Variants in GNG2 observed in about 807,000 individuals in gnomAD.
GNG2 encodes the protein G protein subunit gamma 2.
Under a neutral mutation model 5.5 loss-of-function variants are expected in GNG2, and 5 were observed. The observed-to-expected ratio is 0.91, with a 90% CI of 0.48 to 1.92. GNG2 has a LOEUF of 1.92. Ranked by LOEUF, GNG2 falls within the 30% of genes most tolerant of loss-of-function variation. GNG2 has a pLI of 0.01. For synonymous variants in GNG2, 28 were observed against 32.0 expected (o/e 0.88, Z 0.42); for missense variants, 55 against 88.4 (o/e 0.62, Z 1.52).
chr14:51,829,574 A>C (rs1034480111), intron 2 of GNG2, among the ~76,000 whole-genome samples: 2 of 152,012 alleles, frequency 1.3e-5, no homozygotes, highest in African/African-American at 4.8e-5. Context: ...TATAAATAAA[A>C]ACCCTATCTT....
chr14:51,860,540 A>G (rs1470777780), upstream of GNG2: 4 of 152,664 alleles, frequency 2.6e-5, no homozygotes, highest in South Asian at 2.1e-4. Flanking sequence ...GCTACCAAGA[A>G]GAGGAGGAAG....
Position 51,860,730 on chromosome 14 carries a change from G to GCA in GNG2, c.-128_-127dup, listed in dbSNP as rs946422130. The GCA allele has an allele frequency of 3.3e-5, 5 of 152,450 alleles. No homozygotes were observed. The highest frequency in any genetic ancestry group is 1.2e-4 in the African/African-American group (5 of 41,464). 9.4% of individuals were successfully genotyped at this position (152,450 alleles called of 1,614,324 possible). On this transcript the variant is annotated 5_prime_UTR_variant, in exon 1 of 4. Transcript: ENST00000556766. ...GGCTGGGCTGCGCCGGAGCTCGCCTGCACAGATCAGCTCCGGAGAGGGGAA... is the reference window on the plus strand; with the variant it reads ...GGCTGGGCTGCGCCGGAGCTCGCCTGCACACAGATCAGCTCCGGAGAGGGGAA...
intron 2 of GNG2, among the ~76,000 whole-genome samples, chr14:51,910,421 A>T (rs1886224103): frequency 6.6e-6 from 1 of 152,196 alleles, no homozygotes. Context: ...AAGGACCGAT[A>T]CATTTTCCTG....
At chr14:51,886,005 C>G (rs1884436282) in intron 2 of GNG2, among the ~76,000 whole-genome samples, 2 of 152,186 alleles carry the variant, frequency 1.3e-5, no homozygotes, top group African/African-American at 2.4e-5. Context: ...TGAGGAAAAA[C>G]AGATGGTACC....
At chr14:51,913,034 A>G (rs896534390) in intron 2 of GNG2, 7 of 152,328 alleles carry the variant, frequency 4.6e-5, no homozygotes, top group Non-Finnish European at 8.8e-5. Context: ...GTGTTCAGGA[A>G]TGAAGTCTCG....
At chr14:51,886,194 A>G (rs1959518) in intron 2 of GNG2, among the ~76,000 whole-genome samples, 51,678 of 152,162 alleles carry the variant, frequency 0.34, 9,595 homozygotes, top group Non-Finnish European at 0.42. Context: ...GAAGCATGAC[A>G]TATCAACCTG....
intron 3 of GNG2, among the ~76,000 whole-genome samples, chr14:51,954,583 A>G (rs1394279339): frequency 6.6e-6 from 1 of 152,212 alleles, no homozygotes; most frequent in Non-Finnish European, 1.5e-5. Context: ...TACTGATTAT[A>G]AAAGATACAG....
Position 51,966,964 on chromosome 14 carries a change from C to CCG in GNG2, c.*278_*279insGC, listed in dbSNP as rs1555359281. The CCG allele has an allele frequency of 1.2e-3, 200 of 164,744 alleles. 6 individuals are homozygous for CCG. The highest frequency in any genetic ancestry group is 5.4e-3 in the African/African-American group (190 of 35,404). The allele number at this position is 164,744 out of a possible 1,614,324, so 10.2% of individuals were successfully genotyped here. On this transcript the variant is annotated 3_prime_UTR_variant, in exon 4 of 4. Coordinates refer to ENST00000556766, the MANE Select transcript of GNG2 (RefSeq NM_053064.5). ...CACTTCTTTTCTGCTATCCCCCAGC[C>CCG]CCCCCCCCAAAATCCTCATGTTTCT... is the stretch of plus-strand genomic sequence containing the variant.
At chr14:51,843,178 G>A (rs774046173) in intron 2 of GNG2, among the ~76,000 whole-genome samples, 36 of 152,302 alleles carry the variant, frequency 2.4e-4, no homozygotes, top group Middle Eastern at 6.8e-3. Flanking sequence ...AGGGGAGAGG[G>A]AAGAAATGAT....
intron 2 of GNG2, among the ~76,000 whole-genome samples, chr14:51,880,958 A>C (rs1302111780): frequency 2.4e-5 from 3 of 122,752 alleles, no homozygotes; most frequent in Non-Finnish European, 5.2e-5. Flanking sequence ...TTAAAAAGAC[A>C]AAAAAAAAGA....
At chr14:51,952,292 CTTAA>C (rs1889020679) in intron 3 of GNG2, among the ~76,000 whole-genome samples, 1 of 152,202 alleles carries the variant, frequency 6.6e-6, no homozygotes, top group Non-Finnish European at 1.5e-5. Context: ...TTTCAACAGC[CTTAA>C]TTCTTCTTCT....
intron 2 of GNG2, among the ~76,000 whole-genome samples, chr14:51,848,058 A>G (rs576824542): frequency 6.6e-6 from 1 of 151,674 alleles, no homozygotes; most frequent in East Asian, 1.9e-4. Flanking sequence ...AGTCCATCCT[A>G]GTAAATAGCT....
intron 1 of GNG2, among the ~76,000 whole-genome samples, chr14:51,864,115 A>C (rs4901168): frequency 0.67 from 102,266 of 152,068 alleles, 34,607 homozygotes; most frequent in African/African-American, 0.69. Context: ...ACTATTTTAC[A>C]TTCCCACCAG....
At chr14:51,965,427 T>A (rs897188291) in intron 3 of GNG2, among the ~76,000 whole-genome samples, 1 of 152,176 alleles carries the variant, frequency 6.6e-6, no homozygotes, top group Non-Finnish European at 1.5e-5. Flanking sequence ...TATAGATGAC[T>A]TTTAGTTTAT....
At chr14:51,893,338 G>T (rs941208954) in intron 2 of GNG2, among the ~76,000 whole-genome samples, 9 of 152,084 alleles carry the variant, frequency 5.9e-5, no homozygotes, top group African/African-American at 1.2e-4. Context: ...TTGAATTCTG[G>T]TGAAGTTGAG....
intron 2 of GNG2, among the ~76,000 whole-genome samples, chr14:51,889,757 A>T (rs1884721355): frequency 6.6e-6 from 1 of 152,186 alleles, no homozygotes; most frequent in Admixed American, 6.5e-5. Context: ...TCTAGAGATA[A>T]ATTGTGTTCG....
At chr14:51,950,340 C>G (rs776733023) in intron 2 of GNG2, among the ~76,000 whole-genome samples, 4 of 152,176 alleles carry the variant, frequency 2.6e-5, no homozygotes, top group Admixed American at 2.6e-4. Context: ...TAGTATAATA[C>G]GCTGAGGTGG....
At chr14:51,860,368 G>T (rs550476873), upstream of GNG2, 1 of 152,902 alleles carries the variant, frequency 6.5e-6, no homozygotes, top group Admixed American at 6.5e-5. Flanking sequence ...ACCGTGGGGG[G>T]ATGAGAAAAG....
intron 2 of GNG2, among the ~76,000 whole-genome samples, chr14:51,884,516 T>A (rs1414326828): frequency 1.3e-5 from 2 of 152,194 alleles, no homozygotes; most frequent in Non-Finnish European, 1.5e-5. Context: ...AGCTGAAAAG[T>A]GACAGAATCA....
Sources: allele counts gnomAD v4.1 joint callset (sites outside exome capture counted in the v4.1 genomes callset), GRCh38; gene constraint gnomAD v4.1.1; transcripts MANE v1.5; gene names NCBI Gene and HGNC (gene_info 2026-07-23, HGNC 2026-07-21).